Variants in KCNK12 observed in about 807,000 individuals in gnomAD.
KCNK12 encodes the protein potassium channel subfamily K member 12.
A neutral mutation model predicts 25.3 loss-of-function variants in KCNK12; 6 were observed. The ratio of observed to expected loss-of-function variants is 0.24; its 90% confidence interval spans 0.13 to 0.47. The LOEUF is 0.47. Ranked by LOEUF, KCNK12 falls within the 20% of genes least tolerant of loss-of-function variation. KCNK12 has a pLI of 0.99. For synonymous variants in KCNK12, 331 were observed against 311.1 expected, an observed-to-expected ratio of 1.06 and a Z score of -0.67; for missense variants, 444 against 661.7, an observed-to-expected ratio of 0.67 and a Z score of 3.61.
At chr2:47,541,289 G>A (rs535635759) in intron 1 of KCNK12, among the ~76,000 whole-genome samples, 1 of 152,330 alleles carries the variant, frequency 6.6e-6, no homozygotes, top group East Asian at 1.9e-4. Flanking sequence ...CACTCTTAGA[G>A]TTTGTGGTTC....
Position 47,538,546 on chromosome 2 carries a change from G to A in KCNK12, c.392-16738C>T, listed in dbSNP as rs1669126511. ...AGCACTTTGGGAGGCTGAGACAGGT[G>A]GATCACTTGAGGTCAGGAGTTTGAG... is the stretch of plus-strand genomic sequence containing the variant. On this transcript the variant is annotated intron_variant, in intron 1 of 1. Transcript: ENST00000327876. This position sits in a 1 kb window ranked among gnomAD's most constrained non-coding sequence, Gnocchi z 4.5. 6.6e-6 allele frequency among the ~76,000 whole-genome samples: 1 copy of A among 152,156 alleles called. No individual in the cohort carries two copies. Among genetic ancestry groups the A allele is most frequent in the Admixed American group, 6.5e-5 (1 of 15,280 alleles).
rs1170084431 is a variant in KCNK12, at chr2:47,562,846, G to C, written c.391+7095C>G. On this transcript the variant is annotated intron_variant, in intron 1 of 1. Transcript: ENST00000327876. The surrounding 1 kb of genome is among the most constrained non-coding windows in gnomAD (Gnocchi z 4.8). ...GACCGTGTCTCTTAAAAAAACTTTG[G>C]TGAGGATCAGAGGCTGGACTCTGCC... is the stretch of plus-strand genomic sequence containing the variant. 8.6e-6 allele frequency: 2 copies of C among 233,162 alleles called. No individual in the cohort carries two copies. Among genetic ancestry groups the C allele is most frequent in the Non-Finnish European group, 1.7e-5 (2 of 118,054 alleles). The allele number at this position is 233,162 out of a possible 1,614,324, so 14.4% of individuals were successfully genotyped here. A position where few individuals can be genotyped will look rare whatever the true frequency, so the allele number is the denominator to read the frequency against.
At chr2:47,545,612 G>A (rs531185449) in intron 1 of KCNK12, among the ~76,000 whole-genome samples, 53 of 152,340 alleles carry the variant, frequency 3.5e-4, no homozygotes, top group African/African-American at 1.2e-3. Flanking sequence ...TAGAATCTCA[G>A]CTCTGTCACT....
chr2:47,569,330 C>A lies in KCNK12; in HGVS notation c.391+611G>T, dbSNP rs1381356203. 6.6e-6 allele frequency among the ~76,000 whole-genome samples: 1 copy of A among 151,988 alleles called. No homozygotes were observed. The highest frequency in any genetic ancestry group is 1.5e-5 in the Non-Finnish European group (1 of 67,994). ...GAGAACACAAGGAAGGGAGGCAGAA[C>A]AACAGCAGCTGAAGTCCTGGCCTCA... On this transcript the variant is annotated intron_variant, in intron 1 of 1. Transcript: ENST00000327876. The surrounding 1 kb of genome is among the most constrained non-coding windows in gnomAD (Gnocchi z 4.1).
At position 47,548,997 on chromosome 2, in the gene KCNK12, G is replaced by A. The variant is rs1407958846; in HGVS notation, c.391+20944C>T. Among the ~76,000 whole-genome samples, 1 of 152,204 alleles carries A rather than the reference G, an allele frequency of 6.6e-6. No homozygotes were observed. The highest frequency in any genetic ancestry group is 1.5e-5 in the Non-Finnish European group (1 of 68,026). On this transcript the variant is annotated intron_variant, in intron 1 of 1. Coordinates refer to ENST00000327876, the MANE Select transcript of KCNK12 (RefSeq NM_022055.2). This position sits in a 1 kb window ranked among gnomAD's most constrained non-coding sequence, Gnocchi z 4.4. ...AGAAATCTACTAGGGGTCCCTCTTT[G>A]TTACTCGCAAAGGTCTGAATAACAA...
At chr2:47,524,677 TG>T (rs1668730602) in intron 1 of KCNK12, among the ~76,000 whole-genome samples, 1 of 152,206 alleles carries the variant, frequency 6.6e-6, no homozygotes. Flanking sequence ...TTTGTTGACC[TG>T]GGTGGTAGTT....
In KCNK12 at chr2:47,547,991, A is replaced by G. The variant is rs1389596351; in HGVS notation, c.391+21950T>C. ...GGTGGATTTCCCCCTTGCCGTTCTCATGATAGTAAGTTCTCATGAGATCTG... is the reference window on the plus strand; with the variant it reads ...GGTGGATTTCCCCCTTGCCGTTCTCGTGATAGTAAGTTCTCATGAGATCTG... On this transcript the variant is annotated intron_variant, in intron 1 of 1. Transcript: ENST00000327876. The surrounding 1 kb of genome is among the most constrained non-coding windows in gnomAD (Gnocchi z 5.0). 6.6e-6 allele frequency among the ~76,000 whole-genome samples: 1 copy of G among 152,094 alleles called. No homozygotes were observed. Among genetic ancestry groups the G allele is most frequent in the African/African-American group, 2.4e-5 (1 of 41,408 alleles).
chr2:47,549,290 T>C (rs536757618), intron 1 of KCNK12, among the ~76,000 whole-genome samples: 2 of 152,168 alleles, frequency 1.3e-5, no homozygotes, highest in Non-Finnish European at 2.9e-5. Flanking sequence ...TTTAAAAAGC[T>C]TAAAAACAAG....
At chr2:47,534,439 C>CG (rs978042014) in intron 1 of KCNK12, among the ~76,000 whole-genome samples, 6 of 144,420 alleles carry the variant, frequency 4.2e-5, no homozygotes, top group Admixed American at 1.4e-4. Context: ...CAGGCCCCCC[C>CG]CACCGCCACC....
At chr2:47,522,243 A>G (rs908168345) in intron 1 of KCNK12, among the ~76,000 whole-genome samples, 1 of 152,234 alleles carries the variant, frequency 6.6e-6, no homozygotes, top group Non-Finnish European at 1.5e-5. Context: ...ATACATTAAT[A>G]TACTAGTCTA....
intron 1 of KCNK12, among the ~76,000 whole-genome samples, chr2:47,531,193 C>G (rs1016396494): frequency 1.3e-5 from 2 of 152,208 alleles, no homozygotes; most frequent in African/African-American, 4.8e-5. Context: ...CTGGGTGGGG[C>G]CGGGCACGGT....
At chr2:47,561,333 G>C (rs1558565632) in intron 1 of KCNK12, among the ~76,000 whole-genome samples, 1 of 152,214 alleles carries the variant, frequency 6.6e-6, no homozygotes, top group East Asian at 1.9e-4. Flanking sequence ...AATGATTAAA[G>C]AGCACTGCGC....
intron 1 of KCNK12, among the ~76,000 whole-genome samples, chr2:47,539,028 G>A (rs778006032): frequency 2.6e-5 from 4 of 152,178 alleles, no homozygotes; most frequent in African/African-American, 4.8e-5. Context: ...AAGGAAATTC[G>A]ATGAAACGAA....
intron 1 of KCNK12, among the ~76,000 whole-genome samples, chr2:47,568,341 G>A (rs1199468407): frequency 6.6e-6 from 1 of 151,672 alleles, no homozygotes; most frequent in East Asian, 1.9e-4. Context: ...ATAGCAACTT[G>A]ATGCAGCTCT....
intron 1 of KCNK12, among the ~76,000 whole-genome samples, chr2:47,553,786 T>A (rs1196431520): frequency 2.0e-5 from 3 of 152,176 alleles, no homozygotes; most frequent in African/African-American, 7.2e-5. Flanking sequence ...TTGAAGCAGT[T>A]TCACCTGTCA....
In KCNK12 at chr2:47,513,894, A is replaced by G. The variant is rs1224611362; in HGVS notation, c.*7013T>C. Among the ~76,000 whole-genome samples the G allele has an allele frequency of 6.6e-6, 1 of 151,960 alleles. No individual in the cohort carries two copies. On this transcript the variant is annotated 3_prime_UTR_variant, in exon 2 of 2. Coordinates refer to ENST00000327876, the MANE Select transcript of KCNK12 (RefSeq NM_022055.2). ...ACGTCTCTGTGTTCTCACTAGCACT[A>G]CCTTGGTCCACCCTGCCATCTGCTT...
chr2:47,525,248 T>C lies in KCNK12; in HGVS notation c.392-3440A>G, dbSNP rs991044346. ...GGGGATTGATGGGATCTTCCATCAG[T>C]TGGGAAGTTGTTATGGGTAGTTGTT... On this transcript the variant is annotated intron_variant, in intron 1 of 1. Coordinates refer to ENST00000327876, the MANE Select transcript of KCNK12 (RefSeq NM_022055.2). The surrounding 1 kb of genome is among the most constrained non-coding windows in gnomAD (Gnocchi z 4.1). 1.3e-5 allele frequency among the ~76,000 whole-genome samples: 2 copies of C among 152,032 alleles called. No homozygotes were observed. The highest frequency in any genetic ancestry group is 4.8e-5 in the African/African-American group (2 of 41,392).
At chr2:47,549,934 GAAA>G (rs913096691) in intron 1 of KCNK12, among the ~76,000 whole-genome samples, 1 of 123,490 alleles carries the variant, frequency 8.1e-6, no homozygotes. Flanking sequence ...ACTCCACCTC[GAAA>G]AAAAAAAAAA....
In KCNK12 at chr2:47,513,514, ACACT is replaced by A. The variant is rs1347037593; in HGVS notation, c.*7389_*7392del. ...TGATCCTCTTTTTATCTCATTCTACACACTCACAGCCTGAGTAATTCACACCATC... is the reference window on the plus strand; with the variant it reads ...TGATCCTCTTTTTATCTCATTCTACACACAGCCTGAGTAATTCACACCATC... On this transcript the variant is annotated 3_prime_UTR_variant, in exon 2 of 2. Coordinates refer to ENST00000327876, the MANE Select transcript of KCNK12 (RefSeq NM_022055.2). Among the ~76,000 whole-genome samples, 2 of 152,020 alleles carry A rather than the reference ACACT, an allele frequency of 1.3e-5. No individual in the cohort carries two copies. Among genetic ancestry groups the A allele is most frequent in the Admixed American group, 1.3e-4 (2 of 15,258 alleles).
Sources: gnomAD v4.1 joint callset for allele counts (sites outside exome capture counted in the v4.1 genomes callset) on GRCh38, gnomAD v4.1.1 for gene constraint, Gnocchi (gnomAD v3.1) non-coding constraint, MANE v1.5 for transcripts, NCBI Gene and HGNC (gene_info 2026-07-23, HGNC 2026-07-21) for gene names.